WDFY4: variants seen among roughly 807,000 people sequenced by gnomAD.
The protein encoded by WDFY4 is WD repeat- and FYVE domain-containing protein 4.
A neutral mutation model predicts 351.9 loss-of-function variants in WDFY4; 169 were observed. The observed-to-expected ratio is 0.48, with a 90% CI of 0.42 to 0.55. WDFY4 has a LOEUF of 0.55. Among genes scored for constraint, WDFY4 ranks in the 20% least tolerant of loss-of-function variants. The pLI is 0.00. For synonymous variants in WDFY4, 1,622 were observed against 1,574.6 expected, an observed-to-expected ratio of 1.03 and a Z score of -0.71; for missense variants, 3,803 against 3,935.6, an observed-to-expected ratio of 0.97 and a Z score of 0.90.
chr10:48,968,718 C>G (rs545263382), intron 55 of WDFY4: 1 of 283,938 alleles, frequency 3.5e-6, no homozygotes, highest in Non-Finnish European at 6.8e-6. Context: ...ACCAGCATAA[C>G]CAGACTTGGA....
rs1416225271 is a variant in WDFY4, at chr10:48,726,016, G to A, written c.727G>A (p.Val243Met). 9.7e-6 allele frequency: 15 copies of A among 1,551,524 alleles called. No homozygotes were observed. The highest frequency in any genetic ancestry group is 2.0e-5 in the Admixed American group (1 of 50,984). Reference protein sequence around the residue: ...CCFWKEPTFCVLRAISKAQNL... With the variant: ...CCFWKEPTFCMLRAISKAQNL... ...CTTCTGGAAGGAACCCACCTTCTGCGTGCTAAGGGCAATCTCCAAGGCCCA... is the reference window on the plus strand; with the variant it reads ...CTTCTGGAAGGAACCCACCTTCTGCATGCTAAGGGCAATCTCCAAGGCCCA... Residue 243 changes from valine (V) to methionine (M), a missense_variant, in exon 6 of 62, where the codon GTG (valine) becomes ATG (methionine). Around this residue, in one of 3 missense-constraint regions of WDFY4, gnomAD observed 488 missense variants for 456.8 expected, o/e 1.07. Coordinates refer to ENST00000325239, the MANE Select transcript of WDFY4 (RefSeq NM_001394531.1).
chr10:48,688,807 T>C (rs1358052579), intron 1 of WDFY4, among the ~76,000 whole-genome samples: 6 of 152,082 alleles, frequency 3.9e-5, no homozygotes, highest in African/African-American at 1.4e-4. Flanking sequence ...AGATACTTTT[T>C]TGAGGGTAGG....
At chr10:48,733,421 A>G (rs912172966) in intron 9 of WDFY4, among the ~76,000 whole-genome samples, 1 of 152,200 alleles carries the variant, frequency 6.6e-6, no homozygotes, top group Non-Finnish European at 1.5e-5. Flanking sequence ...TCATGGGTCT[A>G]CTGGGATCAC....
At chr10:48,903,592 G>A (rs1428867281) in intron 47 of WDFY4, among the ~76,000 whole-genome samples, 2 of 152,184 alleles carry the variant, frequency 1.3e-5, no homozygotes, top group African/African-American at 4.8e-5. Context: ...ATGTGACAGA[G>A]GACTTAAGGA....
chr10:48,969,348 G>A (rs887688490), intron 56 of WDFY4, 100 bp downstream of exon 56: 2 of 1,381,902 alleles, frequency 1.4e-6, no homozygotes, highest in Non-Finnish European at 2.0e-6. Context: ...AAGCAACCTC[G>A]CTCACTTTCC....
At chr10:48,725,577 A>T (rs1565132888) in intron 5 of WDFY4, among the ~76,000 whole-genome samples, 1 of 152,246 alleles carries the variant, frequency 6.6e-6, no homozygotes, top group Non-Finnish European at 1.5e-5. Context: ...ATTGTGGGTG[A>T]CATTTTCTGG....
chr10:48,815,505 C>A (rs1265717702), intron 31 of WDFY4, among the ~76,000 whole-genome samples: 2 of 151,938 alleles, frequency 1.3e-5, no homozygotes, highest in African/African-American at 2.4e-5. Flanking sequence ...GTTGCCCAGG[C>A]TGGAGTGCAG....
At chr10:48,740,252 G>A (rs752288690) in intron 11 of WDFY4, among the ~76,000 whole-genome samples, 2 of 152,198 alleles carry the variant, frequency 1.3e-5, no homozygotes, top group South Asian at 2.1e-4. Context: ...GTTCAGACGC[G>A]TGCCGTACCA....
At chr10:48,928,623 A>G (rs1219383283) in intron 47 of WDFY4, among the ~76,000 whole-genome samples, 5 of 152,130 alleles carry the variant, frequency 3.3e-5, no homozygotes, top group Admixed American at 2.0e-4. Flanking sequence ...GCCCCCTCGT[A>G]TCATGCTGGG....
chr10:48,962,131 G>T (rs912950015), intron 53 of WDFY4, among the ~76,000 whole-genome samples: 1 of 152,150 alleles, frequency 6.6e-6, no homozygotes, highest in Non-Finnish European at 1.5e-5. Context: ...CCCTCACCTG[G>T]GTATGCCTTT....
Position 48,830,743 on chromosome 10 carries a change from G to C in WDFY4, c.6384G>C (p.Gln2128His), listed in dbSNP as rs1047318182. ...IQKTVQTLWQQLVAQRQQTLE... is the reference protein window; with the variant it reads ...IQKTVQTLWQHLVAQRQQTLE... ...AGACAGTGCAGACTCTCTGGCAGCA[G>C]CTGGTGGCACAAAGGCAGCAGACCC... The change falls in exon 38 of 62, where the codon CAG becomes CAC. Residue 2128 changes from glutamine (Q) to histidine (H), a missense_variant. Gln to His is a conservative substitution (Grantham distance 24, BLOSUM62 0). Transcript: ENST00000325239. 77 of 1,551,578 alleles carry C rather than the reference G, an allele frequency of 5.0e-5. No individual in the cohort carries two copies. The highest frequency in any genetic ancestry group is 5.9e-5 in the Non-Finnish European group (68 of 1,146,976).
At chr10:48,910,336 CA>C in intron 47 of WDFY4, 1 of 1,280,470 alleles carries the variant, frequency 7.8e-7, no homozygotes, top group Non-Finnish European at 1.1e-6. Flanking sequence ...GAGGTCACAC[CA>C]GCTCACCAAG....
rs1261655176 is a variant in WDFY4 at position 48,774,691 on chromosome 10, T to C, written c.2768+19T>C. 1.3e-6 allele frequency: 2 copies of C among 1,551,454 alleles called. No individual in the cohort carries two copies. The highest frequency in any genetic ancestry group is 4.9e-5 in the East Asian group (2 of 40,916). The stretch of plus-strand genomic sequence containing the variant: ...TGCTAAGGTACCACATGCTGCATAT[T>C]CAGTGCCGCCAAGCTGGGCAGCCAT... On this transcript the variant is annotated intron_variant, in intron 14 of 61. Coordinates refer to ENST00000325239, the MANE Select transcript of WDFY4 (RefSeq NM_001394531.1).
chr10:48,723,409 G>T (rs1456038216), intron 4 of WDFY4, 24 bp from the exon 5 acceptor site: 7 of 1,547,682 alleles, frequency 4.5e-6, no homozygotes, highest in African/African-American at 4.1e-5. Flanking sequence ...GCTGCCTGGG[G>T]TCACGTGTGC....
At position 48,687,174 on chromosome 10, in the gene WDFY4, C is replaced by A. The variant is rs192218107; in HGVS notation, c.-18+2173C>A. Among the ~76,000 whole-genome samples the A allele has an allele frequency of 3.0e-3, 452 of 152,282 alleles. 5 individuals are homozygous for A. Among genetic ancestry groups the A allele is most frequent in the Non-Finnish European group, 4.6e-3 (310 of 68,020 alleles). Reference sequence around the variant, plus strand: ...CATTTGGGGTCCCTTTTCCTGTTCACATTTTTTGGCCATTTCTCATCGGGT... The same window carrying A: ...CATTTGGGGTCCCTTTTCCTGTTCAAATTTTTTGGCCATTTCTCATCGGGT... On this transcript the variant is annotated intron_variant, in intron 1 of 61. Coordinates refer to ENST00000325239, the MANE Select transcript of WDFY4 (RefSeq NM_001394531.1).
chr10:48,826,655 T>G lies in WDFY4; in HGVS notation c.5983-16T>G. ...CTCACAAGTTTGTGTATGTGTATGTTTTTTTAATGACACAGGTCATTGAGA... is the reference window on the plus strand; with the variant it reads ...CTCACAAGTTTGTGTATGTGTATGTGTTTTTAATGACACAGGTCATTGAGA... On this transcript the variant is annotated splice_polypyrimidine_tract_variant and intron_variant, in intron 35 of 61. Transcript: ENST00000325239. 1 of 1,537,234 alleles carries G rather than the reference T, an allele frequency of 6.5e-7. No homozygotes were observed. The highest frequency in any genetic ancestry group is 8.8e-7 in the Non-Finnish European group (1 of 1,134,162).
chr10:48,764,819 G>A (rs1193118951), intron 13 of WDFY4, among the ~76,000 whole-genome samples: 2 of 152,264 alleles, frequency 1.3e-5, no homozygotes, highest in South Asian at 2.1e-4. Context: ...TGGGTTTGAG[G>A]ATGGGAGGCA....
At chr10:48,867,217 A>AAAATC (rs1554795193) in intron 39 of WDFY4, 48 bp from the exon 40 acceptor site, 10 of 835,584 alleles carry the variant, frequency 1.2e-5, no homozygotes, top group African/African-American at 7.3e-5. Flanking sequence ...AAAATAAAAT[A>AAAATC]AAATCACAAC....
Position 48,748,265 on chromosome 10 carries a change from G to A in WDFY4, c.2459+4717G>A, listed in dbSNP as rs561325791. On this transcript the variant is annotated intron_variant, in intron 12 of 61. Coordinates refer to ENST00000325239, the MANE Select transcript of WDFY4 (RefSeq NM_001394531.1). ...AATAGTAATTAGTTGAATGTCTATG[G>A]AGGCTGAGCACTAAACATCTATTTA... Among the ~76,000 whole-genome samples, 5 of 152,298 alleles carry A rather than the reference G, an allele frequency of 3.3e-5. No individual in the cohort carries two copies. The East Asian group carries it at 5.8e-4, about 18-fold the overall frequency.
Sources: allele counts gnomAD v4.1 joint callset (sites outside exome capture counted in the v4.1 genomes callset), GRCh38; gene constraint gnomAD v4.1.1; regional missense constraint gnomAD v4.1.1; transcripts MANE v1.5; gene names NCBI Gene and HGNC (gene_info 2026-07-23, HGNC 2026-07-21).